Variants in INTS15 observed in about 807,000 individuals in gnomAD.
INTS15 encodes integrator complex subunit 15.
the INTS15 span, chr7:6,591,569 C>T: frequency 6.7e-6 from 9 of 1,342,680 alleles, no homozygotes; most frequent in Non-Finnish European, 9.6e-6. Context: ...CAGTCTATTT[C>T]CTGTTTTCTT....
At chr7:6,608,525 G>T in the INTS15 span, 2 of 1,145,914 alleles carry the variant, frequency 1.7e-6, no homozygotes, top group Non-Finnish European at 2.2e-6. Flanking sequence ...TCGTGAAGAC[G>T]ATGTGTCCCC....
the INTS15 span, among the ~76,000 whole-genome samples, chr7:6,600,948 C>G: frequency 6.6e-6 from 1 of 151,978 alleles, no homozygotes; most frequent in East Asian, 2.0e-4. Flanking sequence ...TTTTCTGTGT[C>G]CTTTTTTATT....
At chr7:6,598,770 TGTGTGTGTGTGTGTGTA>T in the INTS15 span, among the ~76,000 whole-genome samples, 31 of 104,842 alleles carry the variant, frequency 3.0e-4, 1 homozygote, top group East Asian at 1.8e-3. Context: ...TGTGTGTGTG[TGTGTGTGTGTGTGTGTA>T]TTTTTTTTTT....
chr7:6,594,539 C>T, the INTS15 span: 17 of 1,613,992 alleles, frequency 1.1e-5, no homozygotes, highest in Non-Finnish European at 1.4e-5. Context: ...TATTCAGTGC[C>T]AGCCCGAGAT....
chr7:6,596,346 G>A, the INTS15 span, among the ~76,000 whole-genome samples: 1 of 145,848 alleles, frequency 6.9e-6, no homozygotes, highest in Non-Finnish European at 1.5e-5. Flanking sequence ...GAGCCACTGC[G>A]CCCAGCCGAG....
the INTS15 span, chr7:6,590,356 G>C: frequency 1.2e-6 from 2 of 1,606,386 alleles, no homozygotes; most frequent in Non-Finnish European, 1.7e-6. Context: ...GTACCACCTG[G>C]ACATCTACTT....
At chr7:6,597,610 TG>T in the INTS15 span, among the ~76,000 whole-genome samples, 1 of 152,224 alleles carries the variant, frequency 6.6e-6, no homozygotes. Flanking sequence ...TTTAAGTCAT[TG>T]GTTATTCCAG....
chr7:6,606,643 G>T, the INTS15 span, among the ~76,000 whole-genome samples: 2 of 151,968 alleles, frequency 1.3e-5, no homozygotes, highest in African/African-American at 2.4e-5. Flanking sequence ...CAAGGGGAAG[G>T]CAGGGTAGGG....
the INTS15 span, chr7:6,590,520 G>A: frequency 6.7e-7 from 1 of 1,500,026 alleles, no homozygotes; most frequent in African/African-American, 1.4e-5. Flanking sequence ...CAGGCGGGCG[G>A]GCGGGCCTTT....
the INTS15 span, chr7:6,608,245 T>C: frequency 6.6e-7 from 1 of 1,509,338 alleles, no homozygotes; most frequent in Non-Finnish European, 8.8e-7. Context: ...GAAGAGAACC[T>C]CGGGGAAGGG....
the INTS15 span, among the ~76,000 whole-genome samples, chr7:6,599,047 C>T: frequency 6.6e-6 from 1 of 152,146 alleles, no homozygotes; most frequent in Non-Finnish European, 1.5e-5. Flanking sequence ...CTTGGCCTCC[C>T]AAAGTGCTGG....
the INTS15 span, chr7:6,602,641 T>C: frequency 6.4e-6 from 3 of 469,698 alleles, no homozygotes; most frequent in South Asian, 1.5e-5. Context: ...AAAATGGGGG[T>C]GATACTGTTC....
the INTS15 span, chr7:6,602,249 G>A: frequency 1.2e-6 from 1 of 832,964 alleles, no homozygotes; most frequent in Non-Finnish European, 1.9e-6. Flanking sequence ...AGCCCAGTAA[G>A]CACATGATGA....
At chr7:6,601,127 C>T in the INTS15 span, among the ~76,000 whole-genome samples, 4 of 152,040 alleles carry the variant, frequency 2.6e-5, no homozygotes, top group African/African-American at 9.7e-5. Context: ...CCACCACACC[C>T]AGCTAATTTT....
chr7:6,600,158 C>T, the INTS15 span: 3 of 1,614,258 alleles, frequency 1.9e-6, no homozygotes, highest in Admixed American at 5.0e-5. Context: ...GCTGCAGCTG[C>T]ACCTGACCGA....
the INTS15 span, chr7:6,602,629 G>T: frequency 2.1e-6 from 1 of 466,568 alleles, no homozygotes; most frequent in Non-Finnish European, 4.5e-6. Flanking sequence ...TTACCCCGTT[G>T]TAAAATGGGG....
chr7:6,606,272 C>G, the INTS15 span, among the ~76,000 whole-genome samples: 1 of 152,232 alleles, frequency 6.6e-6, no homozygotes, highest in Non-Finnish European at 1.5e-5. Context: ...CACATACCCT[C>G]TGTTTACTGC....
the INTS15 span, among the ~76,000 whole-genome samples, chr7:6,593,030 T>C: frequency 1.3e-5 from 2 of 152,222 alleles, no homozygotes; most frequent in South Asian, 4.1e-4. Flanking sequence ...AATTTTTACC[T>C]GTGGCATCTC....
the INTS15 span, chr7:6,600,442 T>G: frequency 1.5e-6 from 2 of 1,357,042 alleles, no homozygotes; most frequent in Non-Finnish European, 2.0e-6. Flanking sequence ...CAGACACTGT[T>G]TTTGCTTCAT....
Sources: allele counts gnomAD v4.1 joint callset (sites outside exome capture counted in the v4.1 genomes callset), GRCh38; gene constraint gnomAD v4.1.1; transcripts MANE v1.5; gene names NCBI Gene and HGNC (gene_info 2026-07-23, HGNC 2026-07-21).